The following ZNF705A variants were observed in gnomAD, a reference collection of about 807,000 sequenced individuals.
ZNF705A encodes the protein zinc finger protein 705A.
A neutral mutation model predicts 16.6 loss-of-function variants in ZNF705A; 8 were observed. That is an observed-to-expected ratio of 0.48 (90% CI 0.28 to 0.87). ZNF705A has a LOEUF of 0.87. Among genes scored for constraint, ZNF705A ranks in the 40% least tolerant of loss-of-function variants. The probability of loss-of-function intolerance (pLI) is 0.10; values close to 1 mark genes in which losing one functional copy is unlikely to be tolerated. For synonymous variants in ZNF705A, 73 were observed against 117.3 expected (o/e 0.62, Z 2.44); for missense variants, 233 against 359.9 (o/e 0.65, Z 2.85).
chr12:8,177,232 C>T (rs746706567), exon 5 of ZNF705A: 2 of 1,611,636 alleles, frequency 1.2e-6, no homozygotes, highest in South Asian at 1.1e-5. Flanking sequence ...ATACTAATTG[C>T]TTTCGCCTTA....
At chr12:8,177,126 G>C in exon 5 of ZNF705A, 1 of 1,611,986 alleles carries the variant, frequency 6.2e-7, no homozygotes, top group Admixed American at 1.7e-5. Flanking sequence ...AGCAAACAGT[G>C]TGGAAAATCT....
chr12:8,166,530 G>T (rs1470152648), intron 1 of ZNF705A, among the ~76,000 whole-genome samples: 1 of 152,230 alleles, frequency 6.6e-6, no homozygotes, highest in African/African-American at 2.4e-5. Context: ...TCACTTGCCT[G>T]CTGTGATGTA....
At chr12:8,165,946 T>C (rs1287487845) in intron 1 of ZNF705A, among the ~76,000 whole-genome samples, 3 of 152,252 alleles carry the variant, frequency 2.0e-5, no homozygotes, top group Admixed American at 6.5e-5. Flanking sequence ...TCCATGTCTT[T>C]GCTATTGCAA....
At chr12:8,161,954 G>A (rs764648793) in intron 1 of ZNF705A, among the ~76,000 whole-genome samples, 151 of 152,198 alleles carry the variant, frequency 9.9e-4, no homozygotes, top group Middle Eastern at 3.4e-3. Context: ...TCACCAGGTC[G>A]GAACTATCCT....
intron 4 of ZNF705A, among the ~76,000 whole-genome samples, chr12:8,176,160 C>T (rs1386499216): frequency 6.6e-6 from 1 of 152,224 alleles, no homozygotes; most frequent in Non-Finnish European, 1.5e-5. Context: ...ATACATTGCT[C>T]ATGCCCAGAC....
chr12:8,162,177 G>C (rs1948361468), intron 1 of ZNF705A, among the ~76,000 whole-genome samples: 1 of 152,076 alleles, frequency 6.6e-6, no homozygotes, highest in African/African-American at 2.4e-5. Flanking sequence ...CAAACCAGAA[G>C]ACACCTTTTT....
chr12:8,163,823 C>A (rs1948377236), intron 1 of ZNF705A, among the ~76,000 whole-genome samples: 1 of 152,142 alleles, frequency 6.6e-6, no homozygotes, highest in African/African-American at 2.4e-5. Flanking sequence ...GAATTCCAGG[C>A]AGCAGGAAGG....
intron 1 of ZNF705A, among the ~76,000 whole-genome samples, chr12:8,166,749 G>C (rs1215486001): frequency 6.6e-6 from 1 of 152,194 alleles, no homozygotes; most frequent in Non-Finnish European, 1.5e-5. Flanking sequence ...ACTATGTCTG[G>C]GGCCCTTTTA....
intron 1 of ZNF705A, 57 bp from the exon 3 acceptor site, chr12:8,174,269 C>T (rs1948467150): frequency 3.1e-6 from 5 of 1,596,050 alleles, no homozygotes; most frequent in African/African-American, 1.3e-5. Flanking sequence ...CAGCCTTCCT[C>T]TTCCGGACAT....
At chr12:8,177,990 C>A (rs1435168026) in exon 5 of ZNF705A, 1 of 210,412 alleles carries the variant, frequency 4.8e-6, no homozygotes, top group African/African-American at 2.3e-5. Context: ...ACATAGTCAA[C>A]TAAAAGTCTT....
Position 8,179,831 on chromosome 12 carries a change from C to A in ZNF705A, c.*2248C>A, listed in dbSNP as rs185690727. 2.0e-5 allele frequency: 3 copies of A among 152,266 alleles called. No individual in the cohort carries two copies. In the East Asian group the frequency reaches 5.8e-4, roughly 29 times the overall value. 9.4% of individuals were successfully genotyped at this position (152,266 alleles called of 1,614,324 possible). A position where few individuals can be genotyped will look rare whatever the true frequency, so the allele number is the denominator to read the frequency against. ...GGCTGACATTATATGTACTCCTGAG[C>A]CACATTGAGATGTACTATTTGTGCT... On this transcript the variant is annotated 3_prime_UTR_variant, in exon 5 of 5. Transcript: ENST00000359286.
intron 1 of ZNF705A, among the ~76,000 whole-genome samples, chr12:8,165,441 C>G (rs369752241): frequency 1.4e-5 from 2 of 141,314 alleles, no homozygotes; most frequent in Admixed American, 7.5e-5. Flanking sequence ...TGCCACCACG[C>G]CCAGCTAAAT....
upstream of ZNF705A, among the ~76,000 whole-genome samples, chr12:8,170,229 G>C (rs1335872953): frequency 6.7e-6 from 1 of 149,816 alleles, no homozygotes; most frequent in African/African-American, 2.5e-5. Flanking sequence ...CATCTGGAGG[G>C]AGATCCTAAG....
At chr12:8,165,278 A>ATTT (rs36022408) in intron 1 of ZNF705A, among the ~76,000 whole-genome samples, 1,726 of 94,448 alleles carry the variant, frequency 0.018, 100 homozygotes, top group African/African-American at 0.06. Context: ...ATCTTTGCCC[A>ATTT]TTTTTTTTTT....
upstream of ZNF705A, chr12:8,168,954 C>G (rs752559628): frequency 3.3e-5 from 5 of 152,020 alleles, no homozygotes; most frequent in African/African-American, 1.2e-4. Flanking sequence ...ACTGTTTTAG[C>G]TTTATTGTAT....
intron 1 of ZNF705A, among the ~76,000 whole-genome samples, chr12:8,164,805 T>G (rs757669589): frequency 6.6e-6 from 1 of 152,226 alleles, no homozygotes; most frequent in Non-Finnish European, 1.5e-5. Flanking sequence ...TATGTGTGCA[T>G]GTATCTTTAT....
intron 2 of ZNF705A, among the ~76,000 whole-genome samples, 171 bp downstream of exon 3, chr12:8,174,623 T>G: frequency 6.6e-6 from 1 of 152,354 alleles, no homozygotes; most frequent in East Asian, 1.9e-4. Flanking sequence ...AATATCTTTC[T>G]TTTTATTTTA....
intron 4 of ZNF705A, 95 bp from the exon 6 acceptor site, chr12:8,176,904 C>A: frequency 6.5e-7 from 1 of 1,543,490 alleles, no homozygotes; most frequent in Non-Finnish European, 8.8e-7. Flanking sequence ...CTGGGGTCTA[C>A]CACTGAATGT....
At chr12:8,167,639 T>A (rs752794383), upstream of ZNF705A, among the ~76,000 whole-genome samples, 1 of 152,214 alleles carries the variant, frequency 6.6e-6, no homozygotes, top group Admixed American at 6.5e-5. Context: ...TTCTGGTGAG[T>A]TCTCCAAGCA....
Sources: allele counts gnomAD v4.1 joint callset (sites outside exome capture counted in the v4.1 genomes callset), GRCh38; gene constraint gnomAD v4.1.1; transcripts MANE v1.5; gene names NCBI Gene and HGNC (gene_info 2026-07-23, HGNC 2026-07-21).